Variants in MUC4 observed in about 807,000 individuals in gnomAD.
The protein encoded by MUC4 is mucin-4.
A neutral mutation model predicts 257.9 loss-of-function variants in MUC4; 202 were observed. The ratio of observed to expected loss-of-function variants is 0.78; its 90% confidence interval spans 0.70 to 0.88. The LOEUF is 0.88. MUC4 is among the 40% of genes least tolerant of loss of function. MUC4 has a pLI of 0.00. For missense variants in MUC4, 5,976 were observed against 6,513.7 expected (o/e 0.92, Z 2.84); for synonymous variants, 2,351 against 2,757.1 (o/e 0.85, Z 4.62).
In MUC4 at chr3:195,789,212, G is replaced by A. The variant is rs368192060; in HGVS notation, c.2368C>T (p.Pro790Ser). The change falls in exon 2 of 25, where the codon CCG becomes TCG. Residue 790 changes from proline (P) to serine (S), a missense_variant. Transcript: ENST00000463781. Reference sequence around the variant, plus strand: ...GTGGTTCGTGACCCTGAGGAGGCCGGTTCGCTGGTCTGTGTTTGTCCAGAG... The same window carrying A: ...GTGGTTCGTGACCCTGAGGAGGCCGATTCGCTGGTCTGTGTTTGTCCAGAG... Reference protein sequence around the residue: ...EASGQTQTSEPASSGSRTTSA... With the variant: ...EASGQTQTSESASSGSRTTSA... 1 of 1,613,850 alleles carries A rather than the reference G, an allele frequency of 6.2e-7. No individual in the cohort carries two copies. Among genetic ancestry groups the A allele is most frequent in the South Asian group, 1.1e-5 (1 of 91,076 alleles).
rs1481307883 is a variant in MUC4, at chr3:195,757,250, C to A, written c.15065G>T (p.Gly5022Val). Residue 5022 changes from glycine (G) to valine (V), a missense_variant, in exon 18 of 25, where the codon GGC (glycine) becomes GTC (valine). Around this residue, in one of 44 missense-constraint regions of MUC4, gnomAD observed 996 missense variants for 1,137.3 expected, o/e 0.88. Coordinates refer to ENST00000463781, the MANE Select transcript of MUC4 (RefSeq NM_018406.7). The surrounding 1 kb of genome is among the most constrained non-coding windows in gnomAD (Gnocchi z 4.8). ...LEILARSAKI[G>V]LASALQPRTV... Reference sequence around the variant, plus strand: ...CCTGGGCTGGAGTGCAGATGCCAAGCCAATCTTGGCACTTCTTGCTAGAAT... The same window carrying A: ...CCTGGGCTGGAGTGCAGATGCCAAGACAATCTTGGCACTTCTTGCTAGAAT... 2 of 1,613,410 alleles carry A rather than the reference C, an allele frequency of 1.2e-6. No homozygotes were observed. Among genetic ancestry groups the A allele is most frequent in the African/African-American group, 1.3e-5 (1 of 74,930 alleles).
rs1717002825 is a variant in MUC4 at position 195,753,984 on chromosome 3, TCTC to T, written c.15328+226_15328+228del. 5.7e-6 allele frequency: 3 copies of T among 522,714 alleles called. No individual in the cohort carries two copies. In the African/African-American group the frequency reaches 5.9e-5, roughly 10 times the overall value. 32.4% of individuals were successfully genotyped at this position (522,714 alleles called of 1,614,324 possible). A position where few individuals can be genotyped will look rare whatever the true frequency, so the allele number is the denominator to read the frequency against. On this transcript the variant is annotated intron_variant, in intron 19 of 24. Transcript: ENST00000463781. ...CCTCCCCTATGCCTGTACAACCTCTTCTCCTTCAGCCCCACACCATCCACCACC... is the reference window on the plus strand; with the variant it reads ...CCTCCCCTATGCCTGTACAACCTCTTCTTCAGCCCCACACCATCCACCACC...
At position 195,783,133 on chromosome 3, in the gene MUC4, G is replaced by A. The variant is rs1241285672; in HGVS notation, c.8447C>T (p.Ser2816Phe). The A allele has an allele frequency of 7.7e-7, 1 of 1,293,240 alleles. No individual in the cohort carries two copies. The highest frequency in any genetic ancestry group is 1.0e-6 in the Non-Finnish European group (1 of 970,218). 80.1% of individuals were successfully genotyped at this position (1,293,240 alleles called of 1,614,324 possible). A position where few individuals can be genotyped will look rare whatever the true frequency, so the allele number is the denominator to read the frequency against. Residue 2816 changes from serine (S) to phenylalanine (F), a missense_variant, in exon 2 of 25, where the codon TCT (serine) becomes TTT (phenylalanine). Physicochemically the swap from Ser to Phe is radical, Grantham distance 155. Around this residue, in one of 44 missense-constraint regions of MUC4, gnomAD observed 228 missense variants for 206.3 expected, o/e 1.11. Coordinates refer to ENST00000463781, the MANE Select transcript of MUC4 (RefSeq NM_018406.7). ...TGAGGAAGCGTCGGTGACAGGAAGA[G>A]AGGTGGCGTGACCTGTGGACACTGA... ...ASSVSTGHAT[S>F]LPVTDASSVF...
chr3:195,772,317 A>T (rs1229408259), intron 4 of MUC4, among the ~76,000 whole-genome samples: 1 of 118,012 alleles, frequency 8.5e-6, no homozygotes, highest in Non-Finnish European at 1.7e-5. Context: ...GGAACCCTCT[A>T]TCTATTGCTC....
chr3:195,799,260 T>TGTGTGTGTGTGTGA (rs1553889795), intron 1 of MUC4, among the ~76,000 whole-genome samples: 58 of 149,228 alleles, frequency 3.9e-4, no homozygotes, highest in African/African-American at 6.7e-4. Context: ...TGTGTGTGTG[T>TGTGTGTGTGTGTGA]GACACTGTGT....
intron 6 of MUC4, 160 bp from the exon 7 acceptor site, chr3:195,769,312 T>C (rs1722293213): frequency 3.5e-6 from 4 of 1,134,370 alleles, no homozygotes; most frequent in Non-Finnish European, 4.9e-6. Context: ...TGGCAAGTTT[T>C]GGGTCAGTGA....
chr3:195,761,188 C>T, intron 15 of MUC4, 71 bp from the exon 16 acceptor site: 6 of 1,437,826 alleles, frequency 4.2e-6, no homozygotes, highest in Non-Finnish European at 5.9e-6. Context: ...CACCTCTACC[C>T]CTCACTTTAG....
In MUC4 at chr3:195,778,792, G is replaced by T; in HGVS notation, c.12788C>A (p.Pro4263Gln). The change falls in exon 2 of 25, where the codon CCA (proline) becomes CAA (glutamine). Residue 4263 changes from proline to glutamine, a missense_variant and splice_region_variant. Physicochemically the swap from Pro to Gln is moderately conservative, Grantham distance 76. This residue lies in a region of MUC4 where 233 missense variants were observed against 171.2 expected (regional missense o/e 1.36). Coordinates refer to ENST00000463781, the MANE Select transcript of MUC4 (RefSeq NM_018406.7). ...AAGGCGAGGCAGTTGGCAGCTACCTGGTGTTTCCATCTTCAGAGGGGAGTC... is the reference window on the plus strand; with the variant it reads ...AAGGCGAGGCAGTTGGCAGCTACCTTGTGTTTCCATCTTCAGAGGGGAGTC... ...SSDSPLKMET[P>Q]GMTTPSLKTD... 6.2e-7 allele frequency: 1 copy of T among 1,608,812 alleles called. No homozygotes were observed. The highest frequency in any genetic ancestry group is 8.5e-7 in the Non-Finnish European group (1 of 1,177,408).
rs960103552 is a variant in MUC4, at chr3:195,763,372, G to A, written c.14253+61C>T. On this transcript the variant is annotated intron_variant, in intron 12 of 24. Transcript: ENST00000463781. Reference sequence around the variant, plus strand: ...GCTCTCTTCCTTCTCCTCGGCCTCAGTATGTGGCTGAAGGTCCCTGTGGGT... The same window carrying A: ...GCTCTCTTCCTTCTCCTCGGCCTCAATATGTGGCTGAAGGTCCCTGTGGGT... 7 of 1,375,334 alleles carry A rather than the reference G, an allele frequency of 5.1e-6. No homozygotes were observed. In the African/African-American group the frequency reaches 1.0e-4, roughly 21 times the overall value. The allele number at this position is 1,375,334 out of a possible 1,614,324, so 85.2% of individuals were successfully genotyped here.
At chr3:195,811,241 T>G (rs964144890) in intron 1 of MUC4, among the ~76,000 whole-genome samples, 2 of 151,924 alleles carry the variant, frequency 1.3e-5, no homozygotes, top group African/African-American at 4.8e-5. Flanking sequence ...TGGCGCGATC[T>G]TGGCTCACTG....
intron 2 of MUC4, 64 bp downstream of exon 2, chr3:195,778,726 C>G: frequency 6.7e-7 from 1 of 1,493,704 alleles, no homozygotes; most frequent in Non-Finnish European, 9.1e-7. Flanking sequence ...CTCAGGTACT[C>G]CTTAGGCTGA....
intron 1 of MUC4, among the ~76,000 whole-genome samples, chr3:195,801,260 G>T (rs535603604): frequency 6.6e-6 from 1 of 152,160 alleles, no homozygotes; most frequent in Non-Finnish European, 1.5e-5. Flanking sequence ...CTGGCCAAAC[G>T]CATAAACTTG....
At chr3:195,767,507 C>CCAT (rs1298560179) in intron 7 of MUC4, among the ~76,000 whole-genome samples, 1 of 140,842 alleles carries the variant, frequency 7.1e-6, no homozygotes, top group South Asian at 2.3e-4. Context: ...ATCACCACCA[C>CCAT]CATCACCATC....
chr3:195,767,772 C>T (rs867036131), intron 7 of MUC4, among the ~76,000 whole-genome samples: 248 of 112,686 alleles, frequency 2.2e-3, no homozygotes, highest in African/African-American at 0.011. Context: ...ACCACCACCA[C>T]CACCATCACC....
At chr3:195,809,266 G>A (rs1736386974) in intron 1 of MUC4, among the ~76,000 whole-genome samples, 1 of 152,154 alleles carries the variant, frequency 6.6e-6, no homozygotes, top group Non-Finnish European at 1.5e-5. Context: ...CTCTGGCCTG[G>A]GCTTCAGTGT....
chr3:195,804,754 C>T (rs1431073741), intron 1 of MUC4, among the ~76,000 whole-genome samples: 1 of 152,266 alleles, frequency 6.6e-6, no homozygotes, highest in Admixed American at 6.5e-5. Flanking sequence ...GCCCGGAAGG[C>T]GCGCAGACGC....
intron 3 of MUC4, among the ~76,000 whole-genome samples, chr3:195,777,689 TCCATACCTTCCACAC>T (rs1725204801): frequency 4.2e-4 from 1 of 2,390 alleles, no homozygotes; most frequent in East Asian, 0.023. Context: ...ACCTTCCACA[TCCATACCTTCCACAC>T]CCATACCTTC....
At position 195,778,755 on chromosome 3, in the gene MUC4, C is replaced by A; in HGVS notation, c.12790+35G>T. ...AGGCTGAATTCCGCCAAGGGGCCCA[C>A]TGGGAGACATAAAGGCGAGGCAGTT... On this transcript the variant is annotated intron_variant, in intron 2 of 24. Transcript: ENST00000463781. The A allele has an allele frequency of 3.8e-6, 6 of 1,572,444 alleles. 1 individual carries two copies. The highest frequency in any genetic ancestry group is 2.3e-5 in the South Asian group (2 of 85,680).
Position 195,782,427 on chromosome 3 carries a change from T to A in MUC4, c.9153A>T (p.Thr3051=). 1 of 1,447,654 alleles carries A rather than the reference T, an allele frequency of 6.9e-7. No individual in the cohort carries two copies. Among genetic ancestry groups the A allele is most frequent in the Non-Finnish European group, 9.2e-7 (1 of 1,087,686 alleles). 89.7% of individuals were successfully genotyped at this position (1,447,654 alleles called of 1,614,324 possible). The change falls in exon 2 of 25, where the codon ACA becomes ACT. Residue 3051 remains threonine, a synonymous_variant. Transcript: ENST00000463781. ...LPVTDTSSAS[T]GHANPLHVTS... is the part of the protein sequence containing the mutation. ...TGACATGAAGAGGGTTGGCGTGACC[T>A]GTGGATGCTGAGGAAGTGTCGGTGA...
Sources: gnomAD v4.1 joint callset for allele counts (sites outside exome capture counted in the v4.1 genomes callset) on GRCh38, gnomAD v4.1.1 for gene constraint, gnomAD v4.1.1 regional missense constraint, Gnocchi (gnomAD v3.1) non-coding constraint, MANE v1.5 for transcripts, NCBI Gene and HGNC (gene_info 2026-07-23, HGNC 2026-07-21) for gene names.